OPN4: variants seen among roughly 807,000 people sequenced by gnomAD.
The protein encoded by OPN4 is opsin 4, also known as melanopsin.
OPN4 carries 43 observed loss-of-function variants against 49.5 expected under a neutral mutation model. The ratio of observed to expected loss-of-function variants is 0.87; its 90% CI spans 0.68 to 1.12. The LOEUF (loss-of-function observed/expected upper bound fraction) is 1.12, where lower values mean the gene tolerates loss of function less well. Ranked by LOEUF, OPN4 falls within the 50% of genes most tolerant of loss-of-function variation. The probability of loss-of-function intolerance (pLI) is 0.00; values close to 1 mark genes in which losing one functional copy is unlikely to be tolerated. For synonymous variants in OPN4, 263 were observed against 258.0 expected, an observed-to-expected ratio of 1.02 and a Z score of -0.19; for missense variants, 657 against 643.9, an observed-to-expected ratio of 1.02 and a Z score of -0.22.
At position 86,658,645 on chromosome 10, in the gene OPN4, C is replaced by T; in HGVS notation, c.586C>T (p.Leu196Phe). 1 of 1,613,878 alleles carries T rather than the reference C, an allele frequency of 6.2e-7. No individual in the cohort carries two copies. The highest frequency in any genetic ancestry group is 1.3e-5 in the African/African-American group (1 of 75,066). ...GGCATTTGTCCTGCTGGGCGTTTGG[C>T]TCTATGCCCTGGCCTGGAGTCTGCC... ...RAAFVLLGVW[L>F]YALAWSLPPF... is the part of the protein sequence containing the mutation. Residue 196 changes from leucine to phenylalanine, a missense_variant, in exon 4 of 10, where the codon CTC (leucine) becomes TTC (phenylalanine). Transcript: ENST00000241891.
Position 86,665,710 on chromosome 10 carries a change from C to A in OPN4, c.1399-3C>A. 1 of 1,613,328 alleles carries A rather than the reference C, an allele frequency of 6.2e-7. No homozygotes were observed. The highest frequency in any genetic ancestry group is 8.5e-7 in the Non-Finnish European group (1 of 1,179,404). ...TAAACAGATGTGTGCTGTTTGTTTGCAGACCAAGGGGCTGATCCCCAGCCA... is the reference window on the plus strand; with the variant it reads ...TAAACAGATGTGTGCTGTTTGTTTGAAGACCAAGGGGCTGATCCCCAGCCA... On this transcript the variant is annotated splice_polypyrimidine_tract_variant and splice_region_variant and intron_variant, in intron 9 of 9. Transcript: ENST00000241891.
In OPN4 at chr10:86,660,050, C is replaced by G. The variant is rs555049946; in HGVS notation, c.956C>G (p.Ala319Gly). The part of the protein sequence containing the change: ...WAPYSAVALV[A>G]FAGYAHVLTP... ...CCCTATTCCGCTGTGGCCCTGGTGG[C>G]CTTTGCTGGGTAAGCAGTGGCTAAA... The change falls in exon 6 of 10, where the codon GCC becomes GGC. Residue 319 changes from alanine to glycine, a missense_variant. Ala to Gly is a moderately conservative substitution (Grantham distance 60). Transcript: ENST00000241891. 1.3e-5 allele frequency: 21 copies of G among 1,614,124 alleles called. No individual in the cohort carries two copies. The South Asian group carries it at 2.1e-4, about 16-fold the overall frequency.
chr10:86,665,698 G>C lies in OPN4; in HGVS notation c.1399-15G>C. On this transcript the variant is annotated splice_polypyrimidine_tract_variant and intron_variant, in intron 9 of 9. Transcript: ENST00000241891. ...CTGCTCCTCAGCTAAACAGATGTGT[G>C]CTGTTTGTTTGCAGACCAAGGGGCT... is the stretch of plus-strand genomic sequence containing the variant. 6.2e-7 allele frequency: 1 copy of C among 1,611,422 alleles called. No individual in the cohort carries two copies. The highest frequency in any genetic ancestry group is 8.5e-7 in the Non-Finnish European group (1 of 1,177,674).
chr10:86,657,228 G>A (rs752792208), intron 2 of OPN4: 7 of 780,792 alleles, frequency 9.0e-6, no homozygotes, highest in African/African-American at 5.1e-5. Context: ...TGATGATGCA[G>A]TAAGTTCACG....
chr10:86,659,366 G>A lies in OPN4; in HGVS notation c.698G>A (p.Arg233His), dbSNP rs376729483. Residue 233 changes from arginine to histidine, a missense_variant, in exon 5 of 10, where the codon CGT (arginine) becomes CAT (histidine). Arg to His is a conservative substitution (Grantham distance 29). Transcript: ENST00000241891. The part of the protein sequence containing the change: ...WDYMSFTPAV[R>H]AYTMLLCCFV... ...TACATGAGCTTCACGCCGGCCGTGC[G>A]TGCCTACACCATGCTTCTCTGCTGC... 40 of 1,613,876 alleles carry A rather than the reference G, an allele frequency of 2.5e-5. No homozygotes were observed. The highest frequency in any genetic ancestry group is 8.9e-5 in the East Asian group (4 of 44,894).
Position 86,656,162 on chromosome 10 carries a change from G to A in OPN4, c.152G>A (p.Gly51Glu), listed in dbSNP as rs762654676. 6.2e-7 allele frequency: 1 copy of A among 1,614,168 alleles called. No homozygotes were observed. The change falls in exon 2 of 10, where the codon GGG becomes GAG. Residue 51 changes from glycine to glutamate, a missense_variant. Gly to Glu is a moderately conservative substitution (Grantham distance 98). Transcript: ENST00000241891. ...RLPSISPTAP[G>E]TWAAAWVPLP... The stretch of plus-strand genomic sequence containing the variant: ...TTCTCTGTCTCTCCGCAGGCACCTG[G>A]GACTTGGGCTGCTGCCTGGGTCCCC...
chr10:86,660,808 C>T (rs1181229792), intron 6 of OPN4, among the ~76,000 whole-genome samples: 2 of 152,186 alleles, frequency 1.3e-5, no homozygotes, highest in African/African-American at 4.8e-5. Flanking sequence ...ACCCACTGCT[C>T]CCTCCTACTC....
intron 5 of OPN4, 136 bp downstream of exon 5, chr10:86,659,604 A>C: frequency 7.9e-7 from 1 of 1,266,864 alleles, no homozygotes; most frequent in Non-Finnish European, 1.1e-6. Flanking sequence ...GCAAGTGCTT[A>C]TGGGGCAGCA....
At chr10:86,662,027 A>C (rs1352645051) in intron 7 of OPN4, among the ~76,000 whole-genome samples, 2 of 151,716 alleles carry the variant, frequency 1.3e-5, no homozygotes, top group Non-Finnish European at 2.9e-5. Flanking sequence ...ACCACCCAGA[A>C]TCTCTCTGTC....
intron 2 of OPN4, 123 bp from the exon 3 acceptor site, chr10:86,657,909 T>C: frequency 9.6e-7 from 1 of 1,037,786 alleles, no homozygotes. Flanking sequence ...TGCTTGCCCA[T>C]GTGTGTGTGC....
chr10:86,665,150 T>C (rs1844118801), intron 9 of OPN4, among the ~76,000 whole-genome samples: 1 of 152,078 alleles, frequency 6.6e-6, no homozygotes, highest in African/African-American at 2.4e-5. Context: ...GATGTCTCTC[T>C]GTGACCCTGG....
At chr10:86,656,715 C>T (rs1212060961) in intron 2 of OPN4, among the ~76,000 whole-genome samples, 10 of 152,058 alleles carry the variant, frequency 6.6e-5, no homozygotes, top group African/African-American at 2.4e-4. Flanking sequence ...GAGGCCAAGG[C>T]GAGCAGATCA....
intron 2 of OPN4, among the ~76,000 whole-genome samples, chr10:86,656,877 G>A (rs1235472031): frequency 2.7e-5 from 4 of 150,508 alleles, no homozygotes; most frequent in African/African-American, 7.4e-5. Flanking sequence ...CCTGGGAGGC[G>A]GAGTTTGCAG....
rs753915046 is a variant in OPN4 at position 86,659,486 on chromosome 10, A to AG, written c.800+24dup. Reference sequence around the variant, plus strand: ...ACAGGACGGTAAGAGCCGAGCATGGAGGGGGGCTACAGGAGGGGGACCGGC... The same window carrying AG: ...ACAGGACGGTAAGAGCCGAGCATGGAGGGGGGGCTACAGGAGGGGGACCGGC... On this transcript the variant is annotated intron_variant, in intron 5 of 9. Coordinates refer to ENST00000241891, the MANE Select transcript of OPN4 (RefSeq NM_033282.4). 3.7e-6 allele frequency: 6 copies of AG among 1,612,040 alleles called. No individual in the cohort carries two copies. In the Admixed American group the frequency reaches 5.0e-5, roughly 13 times the overall value.
chr10:86,660,239 C>T (rs777929239), intron 6 of OPN4, among the ~76,000 whole-genome samples, 180 bp downstream of exon 6: 1 of 152,240 alleles, frequency 6.6e-6, no homozygotes, highest in African/African-American at 2.4e-5. Flanking sequence ...TGGGGGGCCA[C>T]CTAGTTCCTG....
chr10:86,659,253 G>A (rs1416316103), intron 4 of OPN4, 44 bp from the exon 5 acceptor site: 7 of 1,513,028 alleles, frequency 4.6e-6, no homozygotes, highest in Non-Finnish European at 6.3e-6. Flanking sequence ...AAGGAGCCGT[G>A]GTCAGTGCCG....
rs768842006 is a variant in OPN4 at position 86,659,478 on chromosome 10, G to A, written c.800+10G>A. The A allele has an allele frequency of 2.5e-5, 41 of 1,612,600 alleles. No individual in the cohort carries two copies. The highest frequency in any genetic ancestry group is 1.1e-4 in the South Asian group (10 of 90,880). ...TCCGGGAGACAGGACGGTAAGAGCC[G>A]AGCATGGAGGGGGGCTACAGGAGGG... is the stretch of plus-strand genomic sequence containing the variant. On this transcript the variant is annotated intron_variant, in intron 5 of 9. Transcript: ENST00000241891.
At position 86,654,584 on chromosome 10, in the gene OPN4, T is replaced by C. The variant is rs1294616967; in HGVS notation, c.-200T>C. The C allele has an allele frequency of 4.9e-6, 3 of 612,214 alleles. No homozygotes were observed. The highest frequency in any genetic ancestry group is 3.7e-5 in the African/African-American group (2 of 54,320). The allele number at this position is 612,214 out of a possible 1,614,324, so 37.9% of individuals were successfully genotyped here. A position where few individuals can be genotyped will look rare whatever the true frequency, so the allele number is the denominator to read the frequency against. The stretch of plus-strand genomic sequence containing the variant: ...AACTGCGACACTCACTCATTTGCGC[T>C]TCACCAGACACAGAGCAACCGCCAG... On this transcript the variant is annotated 5_prime_UTR_variant, in exon 1 of 10. Coordinates refer to ENST00000241891, the MANE Select transcript of OPN4 (RefSeq NM_033282.4).
At position 86,666,163 on chromosome 10, in the gene OPN4, G is replaced by A. The variant is rs184241750; in HGVS notation, c.*412G>A. ...TCACTGGCATAGGAAGGCCAGCCCC[G>A]CATCTCCCACTGCCAACAGCTGAAG... On this transcript the variant is annotated 3_prime_UTR_variant, in exon 10 of 10. Coordinates refer to ENST00000241891, the MANE Select transcript of OPN4 (RefSeq NM_033282.4). 6.0e-4 allele frequency: 129 copies of A among 214,144 alleles called. 1 individual carries two copies. Among genetic ancestry groups the A allele is most frequent in the African/African-American group, 2.7e-3 (120 of 43,672 alleles). 13.3% of individuals were successfully genotyped at this position (214,144 alleles called of 1,614,324 possible).
Sources: allele counts gnomAD v4.1 joint callset (sites outside exome capture counted in the v4.1 genomes callset), GRCh38; gene constraint gnomAD v4.1.1; transcripts MANE v1.5; gene names NCBI Gene and HGNC (gene_info 2026-07-23, HGNC 2026-07-21).